CEP85L: variants seen among roughly 807,000 people sequenced by gnomAD.
CEP85L encodes the protein centrosomal protein 85L.
Under a neutral mutation model 100.3 loss-of-function variants are expected in CEP85L, and 60 were observed. That is an observed-to-expected ratio of 0.60 (90% CI 0.49 to 0.74). The LOEUF (loss-of-function observed/expected upper bound fraction) is 0.74, where lower values mean the gene tolerates loss of function less well. Ranked by LOEUF, CEP85L falls within the 30% of genes least tolerant of loss-of-function variation. The pLI is 0.00. For synonymous variants in CEP85L, 319 were observed against 322.7 expected, an observed-to-expected ratio of 0.99 and a Z score of 0.12; for missense variants, 973 against 936.2, an observed-to-expected ratio of 1.04 and a Z score of -0.51.
intron 1 of CEP85L, among the ~76,000 whole-genome samples, chr6:118,670,297 G>A (rs887671171): frequency 6.6e-6 from 1 of 151,438 alleles, no homozygotes; most frequent in Non-Finnish European, 1.5e-5. Context: ...TGCATGTCAT[G>A]GGGGTTTGGA....
rs796165964 is a variant in CEP85L, at chr6:118,502,809, T to C, written c.1257+8489A>G. On this transcript the variant is annotated intron_variant, in intron 5 of 12. Coordinates refer to ENST00000368491, the MANE Select transcript of CEP85L (RefSeq NM_001042475.3). ...GTAACTCCAGGTGATATCGTAAGCA[T>C]GTATGGAGTTCAAAAAGCAATGGGG... 1.4e-5 allele frequency: 9 copies of C among 632,176 alleles called. 1 individual carries two copies. The highest frequency in any genetic ancestry group is 1.1e-4 in the African/African-American group (6 of 55,386). 39.2% of individuals were successfully genotyped at this position (632,176 alleles called of 1,614,324 possible).
chr6:118,688,623 G>A (rs1394933743), intron 1 of CEP85L, among the ~76,000 whole-genome samples: 1 of 152,122 alleles, frequency 6.6e-6, no homozygotes, highest in Non-Finnish European at 1.5e-5. Flanking sequence ...ATCAGTTTGT[G>A]AATTCCTAAG....
chr6:118,687,860 A>G lies in CEP85L; in HGVS notation c.-28+22176T>C, dbSNP rs573556762. On this transcript the variant is annotated intron_variant, in intron 1 of 13. Coordinates refer to the CEP85L transcript ENST00000368488. ...AGCGAGGTGCCCATTGCCACTCCCA[A>G]TCGGGCTAAAGGCTTGCCATTGTTC... 7.9e-5 allele frequency among the ~76,000 whole-genome samples: 12 copies of G among 152,128 alleles called. No homozygotes were observed. The South Asian group carries it at 1.2e-3, about 16-fold the overall frequency.
At chr6:118,700,587 G>A (rs559475291) in intron 1 of CEP85L, among the ~76,000 whole-genome samples, 1 of 152,224 alleles carries the variant, frequency 6.6e-6, no homozygotes, top group Admixed American at 6.5e-5. Context: ...TTCCTTTGGT[G>A]AGAACATCTT....
chr6:118,466,678 G>A (rs1310803506), intron 12 of CEP85L, among the ~76,000 whole-genome samples: 1 of 152,076 alleles, frequency 6.6e-6, no homozygotes, highest in Non-Finnish European at 1.5e-5. Context: ...TGTGACAAAG[G>A]AGAGTACCAA....
intron 2 of CEP85L, among the ~76,000 whole-genome samples, chr6:118,578,854 G>A (rs1780399750): frequency 6.6e-6 from 1 of 152,210 alleles, no homozygotes; most frequent in Non-Finnish European, 1.5e-5. Flanking sequence ...CTGAGTGCTA[G>A]TTCTTCTTTG....
At chr6:118,490,512 A>C (rs1774485409) in intron 6 of CEP85L, among the ~76,000 whole-genome samples, 2 of 152,200 alleles carry the variant, frequency 1.3e-5, no homozygotes, top group African/African-American at 4.8e-5. Flanking sequence ...GGGAGTATTA[A>C]ATGGTACAAT....
chr6:118,563,784 C>T (rs1030656880), intron 3 of CEP85L, among the ~76,000 whole-genome samples: 5 of 152,048 alleles, frequency 3.3e-5, no homozygotes, highest in Admixed American at 3.3e-4. Flanking sequence ...TTTTAAGAAA[C>T]AACTATGATG....
At chr6:118,505,316 C>T (rs1296792458) in intron 5 of CEP85L, among the ~76,000 whole-genome samples, 1 of 144,272 alleles carries the variant, frequency 6.9e-6, no homozygotes, top group South Asian at 2.2e-4. Flanking sequence ...TGACACGCGC[C>T]TGTAATCCCA....
Position 118,651,544 on chromosome 6 carries a change from G to A in CEP85L, c.-275C>T. 2 of 1,250,512 alleles carry A rather than the reference G, an allele frequency of 1.6e-6. No individual in the cohort carries two copies. Among genetic ancestry groups the A allele is most frequent in the South Asian group, 2.6e-5 (1 of 37,908 alleles). The allele number at this position is 1,250,512 out of a possible 1,614,324, so 77.5% of individuals were successfully genotyped here. ...GGTGACGGCTGCTAGATCCCCGGCT[G>A]AGCCCAGGCTCAAAGGCTCCAGGCG... On this transcript the variant is annotated 5_prime_UTR_variant, in exon 1 of 13. Coordinates refer to ENST00000368491, the MANE Select transcript of CEP85L (RefSeq NM_001042475.3).
chr6:118,696,251 C>T (rs1001122765), intron 1 of CEP85L, among the ~76,000 whole-genome samples: 4 of 150,294 alleles, frequency 2.7e-5, no homozygotes, highest in African/African-American at 7.4e-5. Flanking sequence ...GGTGACAGAG[C>T]GAGACTCTGT....
At chr6:118,494,947 T>C (rs1489798127) in intron 5 of CEP85L, among the ~76,000 whole-genome samples, 1 of 151,950 alleles carries the variant, frequency 6.6e-6, no homozygotes, top group African/African-American at 2.4e-5. Flanking sequence ...AACATACAGA[T>C]AACGTAAGTG....
rs200422436 is a variant in CEP85L, at chr6:118,572,233, G to GA, written c.233-5918dup. Among the ~76,000 whole-genome samples the GA allele has an allele frequency of 2.4e-3, 215 of 91,146 alleles. 1 individual carries two copies. Among genetic ancestry groups the GA allele is most frequent in the East Asian group, 8.1e-3 (26 of 3,192 alleles). 59.8% of individuals were successfully genotyped at this position (91,146 alleles called of 152,430 possible). A position where few individuals can be genotyped will look rare whatever the true frequency, so the allele number is the denominator to read the frequency against. The stretch of plus-strand genomic sequence containing the variant: ...GCCATGATCATATCATGTTACATAG[G>GA]AAAAAAAAAACATGTTATGCCACAT... On this transcript the variant is annotated intron_variant, in intron 2 of 12. Coordinates refer to ENST00000368491, the MANE Select transcript of CEP85L (RefSeq NM_001042475.3).
chr6:118,606,194 T>C (rs2115198266), intron 2 of CEP85L, among the ~76,000 whole-genome samples: 1 of 152,296 alleles, frequency 6.6e-6, no homozygotes, highest in Admixed American at 6.5e-5. Flanking sequence ...TTAACCATAG[T>C]GCTCTTTAAA....
intron 3 of CEP85L, among the ~76,000 whole-genome samples, chr6:118,542,923 A>AAAAAAAAAAAAAAAAAACAC (rs1554216838): frequency 6.9e-6 from 1 of 143,932 alleles, no homozygotes; most frequent in Non-Finnish European, 1.5e-5. Flanking sequence ...AAAAAAAAAA[A>AAAAAAAAAAAAAAAAAACAC]CAGGATATTC....
At chr6:118,652,460 A>C (rs1775623124), upstream of CEP85L, 1 of 1,256,734 alleles carries the variant, frequency 8.0e-7, no homozygotes, top group South Asian at 1.9e-5. Context: ...AGTTCGTATA[A>C]AAAATTCTGG....
chr6:118,598,543 AAGG>A (rs1781569408), intron 2 of CEP85L, among the ~76,000 whole-genome samples: 2 of 152,198 alleles, frequency 1.3e-5, no homozygotes, highest in African/African-American at 2.4e-5. Flanking sequence ...CTCAGGGAAG[AAGG>A]ACATGTGAAG....
chr6:118,503,424 G>A (rs1184929656), intron 5 of CEP85L, among the ~76,000 whole-genome samples: 2 of 152,086 alleles, frequency 1.3e-5, no homozygotes, highest in South Asian at 2.1e-4. Context: ...TTACTTAGTA[G>A]ATTCAATGAA....
chr6:118,651,971 C>T (rs957377281), upstream of CEP85L: 6 of 944,180 alleles, frequency 6.4e-6, no homozygotes, highest in African/African-American at 1.1e-4. Flanking sequence ...CAAGCCAGGG[C>T]GCGGCTGAGG....
Sources: allele counts gnomAD v4.1 joint callset (sites outside exome capture counted in the v4.1 genomes callset), GRCh38; gene constraint gnomAD v4.1.1; transcripts MANE v1.5; gene names NCBI Gene and HGNC (gene_info 2026-07-23, HGNC 2026-07-21).